Variants in NAV3 observed in about 807,000 individuals in gnomAD.
The protein encoded by NAV3 is pore membrane and/or filament interacting like protein 1.
NAV3 carries 87 observed loss-of-function variants against 244.7 expected under a neutral mutation model. That is an observed-to-expected ratio of 0.36 (90% CI 0.30 to 0.42). NAV3 has a LOEUF of 0.42. Ranked by LOEUF, NAV3 falls within the 20% of genes least tolerant of loss-of-function variation. The pLI is 1.00. For missense variants in NAV3, 2,663 were observed against 2,893.3 expected (o/e 0.92, Z 1.83); for synonymous variants, 1,126 against 1,042.2 (o/e 1.08, Z -1.55).
intron 2 of NAV3, among the ~76,000 whole-genome samples, chr12:77,624,898 A>T (rs1367267479): frequency 1.3e-5 from 2 of 152,128 alleles, no homozygotes; most frequent in African/African-American, 4.8e-5. Flanking sequence ...CCATAGGTTT[A>T]TAGTAAAAAA....
intron 17 of NAV3, among the ~76,000 whole-genome samples, chr12:78,127,756 A>G (rs1012153571): frequency 1.3e-5 from 2 of 152,216 alleles, no homozygotes; most frequent in Non-Finnish European, 2.9e-5. Context: ...TGTGATTTTT[A>G]TAGAATCCTT....
chr12:77,858,558 G>C (rs1878739692), intron 1 of NAV3, among the ~76,000 whole-genome samples: 1 of 152,028 alleles, frequency 6.6e-6, no homozygotes, highest in South Asian at 2.1e-4. Flanking sequence ...GATAGATTGG[G>C]AACTCACAGC....
chr12:77,971,383 G>A (rs1285216528), intron 5 of NAV3, among the ~76,000 whole-genome samples: 1 of 151,964 alleles, frequency 6.6e-6, no homozygotes, highest in Non-Finnish European at 1.5e-5. Context: ...ATATAGAAGA[G>A]TTCAAGTCTT....
At chr12:78,028,053 T>A (rs1193463234) in intron 9 of NAV3, among the ~76,000 whole-genome samples, 3 of 152,102 alleles carry the variant, frequency 2.0e-5, no homozygotes. Flanking sequence ...CAGAAGAGAA[T>A]GGTGTTGGAA....
At chr12:77,624,301 T>G (rs1187847150) in intron 2 of NAV3, among the ~76,000 whole-genome samples, 3 of 151,970 alleles carry the variant, frequency 2.0e-5, no homozygotes, top group Non-Finnish European at 4.4e-5. Flanking sequence ...TGAGAAACAG[T>G]AGGGGATGAG....
At chr12:77,869,525 C>T (rs191613221) in intron 1 of NAV3, among the ~76,000 whole-genome samples, 12 of 152,190 alleles carry the variant, frequency 7.9e-5, no homozygotes, top group Admixed American at 6.5e-4. Flanking sequence ...CATGTCTGTT[C>T]TCTTCTCAAG....
chr12:78,002,815 A>G (rs1873530114), intron 7 of NAV3, among the ~76,000 whole-genome samples: 1 of 151,958 alleles, frequency 6.6e-6, no homozygotes, highest in Non-Finnish European at 1.5e-5. Flanking sequence ...CTAGGTGCAT[A>G]TGTGTAAATA....
intron 12 of NAV3, among the ~76,000 whole-genome samples, chr12:78,106,545 G>A (rs945604680): frequency 1.3e-5 from 2 of 152,070 alleles, no homozygotes; most frequent in East Asian, 1.9e-4. Context: ...ATGTTCTGTC[G>A]AAGCTGACAA....
At chr12:77,744,907 A>G (rs535638445) in intron 2 of NAV3, among the ~76,000 whole-genome samples, 6 of 152,086 alleles carry the variant, frequency 3.9e-5, no homozygotes, top group African/African-American at 1.4e-4. Context: ...TTTTTTGAAG[A>G]TGTAAACTTA....
At chr12:78,123,460 C>G (rs1955766716) in intron 16 of NAV3, among the ~76,000 whole-genome samples, 1 of 151,980 alleles carries the variant, frequency 6.6e-6, no homozygotes, top group South Asian at 2.1e-4. Flanking sequence ...CTTAGCTAGA[C>G]ACTCTCTGCA....
intron 12 of NAV3, among the ~76,000 whole-genome samples, chr12:78,066,986 GC>G (rs1885091640): frequency 2.6e-5 from 4 of 152,084 alleles, no homozygotes; most frequent in African/African-American, 4.8e-5. Flanking sequence ...AGGGCACCAT[GC>G]CAGTTCTCAT....
chr12:78,201,780 G>T (rs1388135515), intron 38 of NAV3, among the ~76,000 whole-genome samples: 1 of 151,922 alleles, frequency 6.6e-6, no homozygotes, highest in African/African-American at 2.4e-5. Flanking sequence ...ACTACTATTA[G>T]AATTAAGATA....
intron 2 of NAV3, among the ~76,000 whole-genome samples, chr12:77,807,737 G>A (rs541636454): frequency 6.6e-6 from 1 of 152,272 alleles, no homozygotes; most frequent in African/African-American, 2.4e-5. Context: ...TTGCTAGGTT[G>A]GGGAAGTTCT....
At chr12:77,650,387 G>C (rs1872771664) in intron 2 of NAV3, among the ~76,000 whole-genome samples, 1 of 152,216 alleles carries the variant, frequency 6.6e-6, no homozygotes, top group South Asian at 2.1e-4. Context: ...TAAATAGTTG[G>C]AGAGACCAAC....
chr12:77,904,497 G>T (rs1464521420), intron 1 of NAV3, among the ~76,000 whole-genome samples: 1 of 152,164 alleles, frequency 6.6e-6, no homozygotes, highest in Non-Finnish European at 1.5e-5. Context: ...CCTGTCATGG[G>T]GTTGGTGGAG....
At chr12:77,594,377 T>G (rs1258717374) in intron 2 of NAV3, among the ~76,000 whole-genome samples, 1 of 152,200 alleles carries the variant, frequency 6.6e-6, no homozygotes, top group Non-Finnish European at 1.5e-5. Flanking sequence ...CCCAATTATT[T>G]CAACCAGTTT....
rs773140264 is a variant in NAV3, at chr12:78,050,059, A to G, written c.2090A>G (p.Glu697Gly). ...KNIADLRQNL[E>G]ETMSSLRGTQ... is the part of the protein sequence containing the mutation. ...ATAGCAGACTTGAGGCAGAATTTAG[A>G]AGAGACTATGTCCAGTCTTCGTGGG... The change falls in exon 10 of 40, where the codon GAA becomes GGA. Residue 697 changes from glutamate to glycine, a missense_variant. Transcript: ENST00000397909. The G allele has an allele frequency of 1.9e-6, 3 of 1,613,452 alleles. No individual in the cohort carries two copies. Among genetic ancestry groups the G allele is most frequent in the Non-Finnish European group, 2.5e-6 (3 of 1,179,782 alleles).
intron 11 of NAV3, among the ~76,000 whole-genome samples, chr12:78,052,605 C>T (rs1046910760): frequency 3.3e-5 from 5 of 152,160 alleles, no homozygotes; most frequent in Non-Finnish European, 7.3e-5. Context: ...ATCACTATTA[C>T]ATTTATTATC....
At chr12:78,168,899 T>A (rs199674753) in intron 24 of NAV3, 33 bp downstream of exon 24, 7 of 1,421,018 alleles carry the variant, frequency 4.9e-6, no homozygotes, top group Non-Finnish European at 6.8e-6. Flanking sequence ...TTCCACCCAA[T>A]ATAATAGACA....
Sources: gnomAD v4.1 joint callset for allele counts (sites outside exome capture counted in the v4.1 genomes callset) on GRCh38, gnomAD v4.1.1 for gene constraint, MANE v1.5 for transcripts, NCBI Gene and HGNC (gene_info 2026-07-23, HGNC 2026-07-21) for gene names.